Variants in TBC1D2B observed in about 807,000 individuals in gnomAD.
TBC1D2B encodes the protein TBC1 domain family, member 2B.
A neutral mutation model predicts 100.8 loss-of-function variants in TBC1D2B; 64 were observed. The observed-to-expected ratio is 0.64, with a 90% CI of 0.52 to 0.78. TBC1D2B has a LOEUF of 0.78. Among genes scored for constraint, TBC1D2B ranks in the 30% least tolerant of loss-of-function variants. TBC1D2B has a pLI of 0.00. For missense variants in TBC1D2B, 1,052 were observed against 1,218.4 expected (o/e 0.86, Z 2.03); for synonymous variants, 480 against 479.7 (o/e 1.00, Z -0.01).
chr15:78,030,026 C>G lies in TBC1D2B; in HGVS notation c.828G>C (p.Leu276=). 1 of 1,607,874 alleles carries G rather than the reference C, an allele frequency of 6.2e-7. No homozygotes were observed. The highest frequency in any genetic ancestry group is 8.5e-7 in the Non-Finnish European group (1 of 1,178,088). ...TGATACCTTTGTTTCCTTCAGGGGTCAGCTTCTTCTTTTCTTCCTGTACTA... is the reference window on the plus strand; with the variant it reads ...TGATACCTTTGTTTCCTTCAGGGGTGAGCTTCTTCTTTTCTTCCTGTACTA... The part of the protein sequence containing the change: ...ESIVQEEKKK[L]TPEGNKGVTG... The change falls in exon 4 of 13, where the codon CTG becomes CTC. Residue 276 remains leucine, a synonymous_variant. Coordinates refer to ENST00000300584, the MANE Select transcript of TBC1D2B (RefSeq NM_144572.2).
intron 12 of TBC1D2B, chr15:77,999,084 G>C: frequency 9.3e-6 from 3 of 322,500 alleles, no homozygotes; most frequent in Non-Finnish European, 1.9e-5. Flanking sequence ...CAGCCACACT[G>C]GTCTCTGGGG....
chr15:78,047,852 C>G (rs868027317), intron 2 of TBC1D2B, among the ~76,000 whole-genome samples: 17 of 152,172 alleles, frequency 1.1e-4, no homozygotes, highest in Admixed American at 2.6e-4. Context: ...ATGTGTCAGT[C>G]TACAGGCACA....
chr15:78,014,782 T>C (rs568101385), intron 8 of TBC1D2B, among the ~76,000 whole-genome samples: 6 of 152,274 alleles, frequency 3.9e-5, no homozygotes, highest in Non-Finnish European at 5.9e-5. Context: ...GAAAATAATG[T>C]TGAAGGAAAT....
intron 3 of TBC1D2B, among the ~76,000 whole-genome samples, chr15:78,032,527 G>C (rs1370883464): frequency 6.6e-6 from 1 of 150,572 alleles, no homozygotes; most frequent in Non-Finnish European, 1.5e-5. Flanking sequence ...TCACAATGAG[G>C]AAAAAAAATC....
rs1189755902 is a variant in TBC1D2B at position 78,013,209 on chromosome 15, G to T, written c.1884C>A (p.Asn628Lys). The T allele has an allele frequency of 6.2e-7, 1 of 1,613,812 alleles. No individual in the cohort carries two copies. Among genetic ancestry groups the T allele is most frequent in the Admixed American group, 1.7e-5 (1 of 60,002 alleles). Residue 628 changes from asparagine to lysine, a missense_variant, in exon 9 of 13, where the codon AAC (asparagine) becomes AAA (lysine). By Grantham distance (94) the Asn-to-Lys change is moderately conservative. Around this residue, in one of 4 missense-constraint regions of TBC1D2B, gnomAD observed 373 missense variants for 464.9 expected, o/e 0.80. Transcript: ENST00000300584. ...LDLKTLYLTE[N>K]QEVSTGVKWE... The stretch of plus-strand genomic sequence containing the variant: ...ACTTGACCCCAGTGGAGACTTCCTG[G>T]TTTTCTGTGAGGTAGAGAGTCTTCA...
At chr15:78,046,151 C>T (rs1355489157) in intron 2 of TBC1D2B, among the ~76,000 whole-genome samples, 3 of 152,102 alleles carry the variant, frequency 2.0e-5, no homozygotes, top group Admixed American at 6.5e-5. Flanking sequence ...AGGCTGGTCG[C>T]GAACTCCTGA....
At chr15:78,052,164 T>C (rs118073668) in intron 2 of TBC1D2B, among the ~76,000 whole-genome samples, 1 of 152,132 alleles carries the variant, frequency 6.6e-6, no homozygotes, top group Non-Finnish European at 1.5e-5. Flanking sequence ...TGACTGCAGC[T>C]CTGGGAAGGC....
intron 2 of TBC1D2B, 148 bp from the exon 3 acceptor site, chr15:78,045,216 T>C: frequency 1.4e-6 from 1 of 696,248 alleles, no homozygotes; most frequent in Non-Finnish European, 2.2e-6. Flanking sequence ...AAACATAATC[T>C]GTGGGTAACT....
rs1360640436 is a variant in TBC1D2B at position 78,069,769 on chromosome 15, T to C, written c.360+7524A>G. Among the ~76,000 whole-genome samples, 5 of 152,236 alleles carry C rather than the reference T, an allele frequency of 3.3e-5. No homozygotes were observed. In the South Asian group the frequency reaches 8.3e-4, roughly 25 times the overall value. On this transcript the variant is annotated intron_variant, in intron 1 of 12. Transcript: ENST00000300584. ...ATACATACATATATACAAACATACA[T>C]AGATGGAGGCCCCAGAAGGAACTTG...
rs1248171762 is a variant in TBC1D2B, at chr15:78,077,614, G to A, written c.39C>T (p.Gly13=). The A allele has an allele frequency of 8.8e-6, 9 of 1,022,098 alleles. No individual in the cohort carries two copies. Among genetic ancestry groups the A allele is most frequent in the Non-Finnish European group, 1.0e-5 (9 of 857,598 alleles). 63.3% of individuals were successfully genotyped at this position (1,022,098 alleles called of 1,614,324 possible). A position where few individuals can be genotyped will look rare whatever the true frequency, so the allele number is the denominator to read the frequency against. The change falls in exon 1 of 13, where the codon GGC becomes GGT. Residue 13 remains glycine (G), a synonymous_variant. Transcript: ENST00000300584. ...GAGARAEEGG[G]GGEGAAQGAA... is the part of the protein sequence containing the mutation. ...CCCCCTGCGCCGCGCCCTCGCCGCC[G>A]CCGCCGCCCTCCTCCGCCCGGGCTC... is the stretch of plus-strand genomic sequence containing the variant.
intron 1 of TBC1D2B, among the ~76,000 whole-genome samples, chr15:78,054,988 T>C (rs575050841): frequency 3.3e-5 from 5 of 152,302 alleles, no homozygotes; most frequent in South Asian, 4.1e-4. Flanking sequence ...ATATACTATT[T>C]AGCAATAAAA....
Position 78,077,333 on chromosome 15 carries a change from T to G in TBC1D2B, c.320A>C (p.His107Pro). The G allele has an allele frequency of 6.5e-7, 1 of 1,536,304 alleles. No individual in the cohort carries two copies. The highest frequency in any genetic ancestry group is 8.8e-7 in the Non-Finnish European group (1 of 1,142,046). ...GGCTCCCGCGCTGTGCACCTGGAAG[T>G]GCGCGGGCGGCTCCGTGCCCGGCTC... is the stretch of plus-strand genomic sequence containing the variant. Reference protein sequence around the residue: ...AAEPGTEPPAHFQVHSAGAVT... With the variant: ...AAEPGTEPPAPFQVHSAGAVT... The change falls in exon 1 of 13, where the codon CAC becomes CCC. Residue 107 changes from histidine to proline, a missense_variant. Coordinates refer to ENST00000300584, the MANE Select transcript of TBC1D2B (RefSeq NM_144572.2).
At chr15:78,024,582 A>C in intron 5 of TBC1D2B, 43 bp from the exon 6 acceptor site, 1 of 1,530,928 alleles carries the variant, frequency 6.5e-7, no homozygotes, top group Non-Finnish European at 8.8e-7. Context: ...GAAAAGAGCA[A>C]GGAGAGGAGG....
At chr15:78,013,375 A>G in intron 8 of TBC1D2B, 58 bp from the exon 9 acceptor site, 1 of 1,456,496 alleles carries the variant, frequency 6.9e-7, no homozygotes. Flanking sequence ...ACAAAGACCA[A>G]TGCAACAGAA....
intron 11 of TBC1D2B, 85 bp downstream of exon 11, chr15:78,003,220 G>T (rs117946329): frequency 0.024 from 30,140 of 1,280,322 alleles, 483 homozygotes; most frequent in Non-Finnish European, 0.027. Context: ...TAAGTTCCAG[G>T]TGAGCCAGCC....
At chr15:78,040,618 A>AAGAGAGAG (rs10657887) in intron 3 of TBC1D2B, among the ~76,000 whole-genome samples, 1 of 132,480 alleles carries the variant, frequency 7.5e-6, no homozygotes, top group Non-Finnish European at 1.5e-5. Flanking sequence ...GAGAGAAAGA[A>AAGAGAGAG]AGAGAGAGAG....
At chr15:78,044,862 C>T in intron 3 of TBC1D2B, 38 bp downstream of exon 3, 1 of 1,524,674 alleles carries the variant, frequency 6.6e-7, no homozygotes. Flanking sequence ...CAGAAACAAC[C>T]CATTTTCAAT....
In TBC1D2B at chr15:77,997,256, C is replaced by T. The variant is rs1489575465; in HGVS notation, c.*904G>A. The T allele has an allele frequency of 1.3e-5, 2 of 152,318 alleles. No homozygotes were observed. Among genetic ancestry groups the T allele is most frequent in the Non-Finnish European group, 2.9e-5 (2 of 68,080 alleles). The allele number at this position is 152,318 out of a possible 1,614,324, so 9.4% of individuals were successfully genotyped here. On this transcript the variant is annotated 3_prime_UTR_variant, in exon 13 of 13. Transcript: ENST00000300584. Reference sequence around the variant, plus strand: ...CCTGCAAAGCACCCCCGAAAACATTCCTCCATCCCCTCAACCAAGGCCAGC... The same window carrying T: ...CCTGCAAAGCACCCCCGAAAACATTTCTCCATCCCCTCAACCAAGGCCAGC...
chr15:78,057,486 A>G (rs60031052), intron 1 of TBC1D2B, among the ~76,000 whole-genome samples: 6,265 of 152,224 alleles, frequency 0.041, 210 homozygotes, highest in East Asian at 0.16. Flanking sequence ...TACTAAAAGT[A>G]TTTTTAAAAA....
Sources: allele counts gnomAD v4.1 joint callset (sites outside exome capture counted in the v4.1 genomes callset), GRCh38; gene constraint gnomAD v4.1.1; regional missense constraint gnomAD v4.1.1; transcripts MANE v1.5; gene names NCBI Gene and HGNC (gene_info 2026-07-23, HGNC 2026-07-21).